USP28: variants seen among roughly 807,000 people sequenced by gnomAD.
USP28 encodes ubiquitin specific peptidase 28.
Under a neutral mutation model 145.0 loss-of-function variants are expected in USP28, and 113 were observed. The ratio of observed to expected loss-of-function variants is 0.78; its 90% CI spans 0.67 to 0.91. USP28 has a LOEUF of 0.91. Among genes scored for constraint, USP28 ranks in the 40% least tolerant of loss-of-function variants. The pLI is 0.00. For missense variants in USP28, 1,201 were observed against 1,289.6 expected, an observed-to-expected ratio of 0.93 and a Z score of 1.05; for synonymous variants, 447 against 450.9, an observed-to-expected ratio of 0.99 and a Z score of 0.11.
rs1285846961 is a variant in USP28 at position 113,870,665 on chromosome 11, A to G, written c.57+4780T>C. On this transcript the variant is annotated intron_variant, in intron 1 of 24. Coordinates refer to ENST00000003302, the Ensembl canonical transcript of USP28. Reference sequence around the variant, plus strand: ...TTTGCTGGAGCCCAGACTGGTCCACACGGCCATCTCATTATTTGGCTTTTG... The same window carrying G: ...TTTGCTGGAGCCCAGACTGGTCCACGCGGCCATCTCATTATTTGGCTTTTG... Among the ~76,000 whole-genome samples the G allele has an allele frequency of 3.9e-5, 6 of 152,216 alleles. No homozygotes were observed. The East Asian group carries it at 5.8e-4, about 15-fold the overall frequency.
At chr11:113,842,024 A>G (rs534535212) in intron 3 of USP28, among the ~76,000 whole-genome samples, 6 of 152,208 alleles carry the variant, frequency 3.9e-5, no homozygotes, top group Non-Finnish European at 2.9e-5. Context: ...CTCACTCCAC[A>G]AAGTCAAAAG....
At chr11:113,841,830 A>T in intron 3 of USP28, 62 bp from the exon 4 acceptor site, 1 of 1,172,590 alleles carries the variant, frequency 8.5e-7, no homozygotes, top group Non-Finnish European at 1.2e-6. Context: ...TCTGTAATAT[A>T]AGAAAAAGGT....
Position 113,826,337 on chromosome 11 carries a change from A to ATT in USP28, c.1187+894_1187+895dup, listed in dbSNP as rs71063527. On this transcript the variant is annotated intron_variant, in intron 11 of 24. Coordinates refer to ENST00000003302, the Ensembl canonical transcript of USP28. ...AAAAGAAAATCAAGCCACCACACCC[A>ATT]TTTTTTTTTTTTTTTTTTTTTTTTT... Among the ~76,000 whole-genome samples the ATT allele has an allele frequency of 6.9e-3, 350 of 50,760 alleles. 28 individuals carry two copies. The highest frequency in any genetic ancestry group is 8.1e-3 in the Non-Finnish European group (241 of 29,892). 33.3% of individuals were successfully genotyped at this position (50,760 alleles called of 152,430 possible). A position where few individuals can be genotyped will look rare whatever the true frequency, so the allele number is the denominator to read the frequency against.
chr11:113,857,308 TAAAG>T (rs2136657256), intron 1 of USP28, among the ~76,000 whole-genome samples: 1 of 152,364 alleles, frequency 6.6e-6, no homozygotes, highest in East Asian at 1.9e-4. Flanking sequence ...CTGGGTTGCA[TAAAG>T]CACTTGACTG....
intron 5 of USP28, chr11:113,835,288 C>A (rs1456106568): frequency 4.4e-6 from 2 of 455,944 alleles, no homozygotes; most frequent in Admixed American, 4.7e-5. Flanking sequence ...CAAATGAAAA[C>A]CCTCTCAGGC....
At chr11:113,814,355 C>T (rs1190465410) in intron 14 of USP28, among the ~76,000 whole-genome samples, 1 of 151,980 alleles carries the variant, frequency 6.6e-6, no homozygotes, top group Non-Finnish European at 1.5e-5. Context: ...TTTTTGTTCC[C>T]TAGACAAAAG....
At chr11:113,815,770 C>T (rs1440143509) in intron 13 of USP28, among the ~76,000 whole-genome samples, 3 of 152,112 alleles carry the variant, frequency 2.0e-5, no homozygotes, top group Non-Finnish European at 4.4e-5. Flanking sequence ...GAAGACTAGG[C>T]CTGGAAGAAT....
chr11:113,868,283 A>G (rs1948486572), intron 1 of USP28, among the ~76,000 whole-genome samples: 2 of 152,246 alleles, frequency 1.3e-5, no homozygotes, highest in African/African-American at 4.8e-5. Flanking sequence ...TAGAGTTTAC[A>G]GTAAAAATAC....
At chr11:113,872,214 C>T (rs557326067) in intron 1 of USP28, among the ~76,000 whole-genome samples, 1 of 152,296 alleles carries the variant, frequency 6.6e-6, no homozygotes, top group South Asian at 2.1e-4. Context: ...TGGTAAGATG[C>T]TATTTGCCAG....
chr11:113,851,156 C>T (rs1199157040), intron 3 of USP28, among the ~76,000 whole-genome samples: 1 of 152,172 alleles, frequency 6.6e-6, no homozygotes, highest in Non-Finnish European at 1.5e-5. Context: ...TCCACCACAG[C>T]AGCCTGGCCT....
intron 16 of USP28, among the ~76,000 whole-genome samples, chr11:113,809,537 A>G (rs552042900): frequency 1.7e-3 from 253 of 152,352 alleles, no homozygotes; most frequent in Non-Finnish European, 3.2e-3. Context: ...AAATGCTCCA[A>G]TGAGCATTCC....
chr11:113,804,159 T>A (rs1254298066), intron 21 of USP28, among the ~76,000 whole-genome samples: 1 of 152,232 alleles, frequency 6.6e-6, no homozygotes, highest in Non-Finnish European at 1.5e-5. Flanking sequence ...ATGTAAAAGA[T>A]ATTCAGCTCT....
At chr11:113,869,644 C>T (rs1308499786) in intron 1 of USP28, among the ~76,000 whole-genome samples, 8 of 152,122 alleles carry the variant, frequency 5.3e-5, no homozygotes, top group Admixed American at 2.0e-4. Context: ...TAATAGTTCA[C>T]ACCTTGCTGG....
At chr11:113,847,251 C>T (rs577502122) in intron 3 of USP28, among the ~76,000 whole-genome samples, 1 of 151,998 alleles carries the variant, frequency 6.6e-6, no homozygotes, top group African/African-American at 2.4e-5. Flanking sequence ...CTCAATGTAA[C>T]AAAATAGAAG....
Position 113,834,956 on chromosome 11 carries a change from C to T in USP28, c.535-621G>A, listed in dbSNP as rs186394348. On this transcript the variant is annotated intron_variant, in intron 5 of 24. Transcript: ENST00000003302. The stretch of plus-strand genomic sequence containing the variant: ...AAGTTTAACAACATGTAAAACAATA[C>T]TACGTATTGTTCAGGGATACATCCA... Among the ~76,000 whole-genome samples, 4 of 152,144 alleles carry T rather than the reference C, an allele frequency of 2.6e-5. No homozygotes were observed. In the East Asian group the frequency reaches 7.7e-4, roughly 29 times the overall value.
chr11:113,811,630 G>C (rs1348988861), intron 16 of USP28, among the ~76,000 whole-genome samples: 1 of 152,118 alleles, frequency 6.6e-6, no homozygotes, highest in African/African-American at 2.4e-5. Flanking sequence ...GGAGGTTGCA[G>C]TGAGCTGAGA....
At chr11:113,819,822 T>G (rs897963229) in intron 12 of USP28, among the ~76,000 whole-genome samples, 6 of 151,850 alleles carry the variant, frequency 4.0e-5, no homozygotes. Context: ...CCGGTTCAAG[T>G]GATTCTCCTG....
intron 3 of USP28, among the ~76,000 whole-genome samples, chr11:113,844,877 G>A (rs1179392233): frequency 6.6e-6 from 1 of 151,994 alleles, no homozygotes; most frequent in Admixed American, 6.6e-5. Flanking sequence ...GACCAAGGTG[G>A]GCAGATGGCT....
At chr11:113,874,386 C>T in intron 1 of USP28, 1 of 854,228 alleles carries the variant, frequency 1.2e-6, no homozygotes, top group Non-Finnish European at 1.5e-6. Context: ...CATCGCGCCA[C>T]AGCACTCCAG....
Sources: gnomAD v4.1 joint callset for allele counts (sites outside exome capture counted in the v4.1 genomes callset) on GRCh38, gnomAD v4.1.1 for gene constraint, MANE v1.5 for transcripts, NCBI Gene and HGNC (gene_info 2026-07-23, HGNC 2026-07-21) for gene names.